The following TPM4 variants were observed in gnomAD, a reference collection of about 807,000 sequenced individuals.
The protein encoded by TPM4 is tropomyosin 4, also known as tropomyosin alpha-4 chain.
In TPM4, 17 loss-of-function variants were observed where a neutral mutation model predicts 35.8. That is an observed-to-expected ratio of 0.47 (90% CI 0.32 to 0.71). The LOEUF (loss-of-function observed/expected upper bound fraction) is 0.71. Among genes scored for constraint, TPM4 ranks in the 30% least tolerant of loss-of-function variants. The pLI is 0.03. For missense variants in TPM4, 240 were observed against 320.9 expected (o/e 0.75, Z 1.93); for synonymous variants, 120 against 122.9 (o/e 0.98, Z 0.15).
intron 2 of TPM4, among the ~76,000 whole-genome samples, chr19:16,083,548 C>T (rs760698716): frequency 1.3e-5 from 2 of 152,106 alleles, no homozygotes; most frequent in East Asian, 1.9e-4. Flanking sequence ...TTCTCTGGCA[C>T]GCCTTGGCAC....
At chr19:16,075,407 C>T (rs1331407008), upstream of TPM4, 1 of 152,094 alleles carries the variant, frequency 6.6e-6, no homozygotes, top group African/African-American at 2.4e-5. Context: ...TTAACCCGAG[C>T]CTTCAAAGAA....
intron 7 of TPM4, among the ~76,000 whole-genome samples, chr19:16,094,992 G>A (rs2090676885): frequency 6.6e-6 from 1 of 152,160 alleles, no homozygotes; most frequent in South Asian, 2.1e-4. Flanking sequence ...GGACCAGTGG[G>A]GGGAAGCTCT....
rs1345552239 is a variant in TPM4 at position 16,067,745 on chromosome 19, T to G, written c.114+7T>G. Reference sequence around the variant, plus strand: ...TGAGGACAAGTGCAAGCAGGTGAGGTGCCCTCCGCTGGGCCGCTCCGGGCT... The same window carrying G: ...TGAGGACAAGTGCAAGCAGGTGAGGGGCCCTCCGCTGGGCCGCTCCGGGCT... On this transcript the variant is annotated splice_region_variant and intron_variant, in intron 2 of 2. Coordinates refer to the TPM4 transcript ENST00000589897. This position sits in a 1 kb window ranked among gnomAD's most constrained non-coding sequence, Gnocchi z 4.1. The G allele has an allele frequency of 6.2e-7, 1 of 1,610,238 alleles. No individual in the cohort carries two copies. Among genetic ancestry groups the G allele is most frequent in the Non-Finnish European group, 8.5e-7 (1 of 1,179,016 alleles).
chr19:16,080,935 C>T, intron 1 of TPM4: 1 of 398,240 alleles, frequency 2.5e-6, no homozygotes, highest in Non-Finnish European at 4.4e-6. Flanking sequence ...CTTGAAAAGC[C>T]AATAACACTA....
At chr19:16,074,398 G>A (rs2090384717), upstream of TPM4, 1 of 152,276 alleles carries the variant, frequency 6.6e-6, no homozygotes, top group Admixed American at 6.5e-5. Flanking sequence ...CTAGCTTGCA[G>A]ACAGCCACCT....
At position 16,076,574 on chromosome 19, in the gene TPM4, C is replaced by G; in HGVS notation, c.9C>G (p.Gly3=). 6.8e-7 allele frequency: 1 copy of G among 1,465,070 alleles called. No homozygotes were observed. The highest frequency in any genetic ancestry group is 9.0e-7 in the Non-Finnish European group (1 of 1,114,798). 90.8% of individuals were successfully genotyped at this position (1,465,070 alleles called of 1,614,324 possible). A position where few individuals can be genotyped will look rare whatever the true frequency, so the allele number is the denominator to read the frequency against. The change falls in exon 1 of 8, where the codon GGC becomes GGG. Residue 3 remains glycine, a synonymous_variant. Coordinates refer to ENST00000643579, the MANE Select transcript of TPM4 (RefSeq NM_003290.3). The stretch of plus-strand genomic sequence containing the variant: ...CTCTGCGCCTCCGCGCCATGGCCGG[C>G]CTCAACTCCCTGGAGGCGGTGAAAC... MA[G]LNSLEAVKRK...
chr19:16,076,399 G>A, upstream of TPM4: 1 of 1,378,956 alleles, frequency 7.3e-7, no homozygotes, highest in Non-Finnish European at 9.3e-7. Context: ...GTCCGGCCGG[G>A]TGACCTCATC....
chr19:16,090,044 TG>T (rs1376712906), intron 5 of TPM4, among the ~76,000 whole-genome samples: 1 of 152,042 alleles, frequency 6.6e-6, no homozygotes, highest in Non-Finnish European at 1.5e-5. Flanking sequence ...TTGGCCAGGC[TG>T]GTCTCGAACT....
At chr19:16,098,882 G>C (rs1172129633) in intron 7 of TPM4, among the ~76,000 whole-genome samples, 1 of 152,088 alleles carries the variant, frequency 6.6e-6, no homozygotes, top group Non-Finnish European at 1.5e-5. Context: ...CCATGCCAAC[G>C]TGAACAAGCT....
chr19:16,089,326 C>T (rs981308435), intron 5 of TPM4, among the ~76,000 whole-genome samples: 1 of 152,136 alleles, frequency 6.6e-6, no homozygotes, highest in African/African-American at 2.4e-5. Flanking sequence ...GTCTGAGCAC[C>T]ATCTTTGATC....
intron 3 of TPM4, among the ~76,000 whole-genome samples, chr19:16,087,817 G>T (rs973281326): frequency 1.3e-5 from 2 of 152,172 alleles, no homozygotes; most frequent in Non-Finnish European, 2.9e-5. Flanking sequence ...GGAGGTGGAG[G>T]TTGCAGTGAG....
chr19:16,068,674 A>G (rs1189806635), intron 2 of TPM4, among the ~76,000 whole-genome samples: 1 of 151,758 alleles, frequency 6.6e-6, no homozygotes, highest in Non-Finnish European at 1.5e-5. Context: ...TGTTTGAGCA[A>G]TTCTCTGTGC....
At chr19:16,073,938 TAAAAAAA>T (rs71178637), upstream of TPM4, among the ~76,000 whole-genome samples, 5 of 35,634 alleles carry the variant, frequency 1.4e-4, no homozygotes, top group African/African-American at 2.3e-4. Context: ...GAAGACCATG[TAAAAAAA>T]AAAAAAAAAA....
intron 4 of TPM4, chr19:16,088,497 A>G: frequency 9.4e-7 from 1 of 1,060,338 alleles, no homozygotes; most frequent in Non-Finnish European, 1.1e-6. Context: ...TGGCCGTGAC[A>G]CATTCCTGGC....
intron 5 of TPM4, chr19:16,093,056 T>A: frequency 5.9e-6 from 1 of 169,202 alleles, no homozygotes; most frequent in Non-Finnish European, 1.3e-5. Context: ...GGTCTCACTA[T>A]GTGACCCAGG....
At position 16,086,447 on chromosome 19, in the gene TPM4, G is replaced by C; in HGVS notation, c.291G>C (p.Arg97=). 1 of 1,613,494 alleles carries C rather than the reference G, an allele frequency of 6.2e-7. No homozygotes were observed. The highest frequency in any genetic ancestry group is 1.8e-4 in the Middle Eastern group (1 of 5,604). The change falls in exon 3 of 8, where the codon CGG becomes CGC. Residue 97 remains arginine (R), a synonymous_variant. Transcript: ENST00000643579. ...GAGGAATGAAGGTGATAGAAAACCG[G>C]GCCATGAAGGATGAGGAGAAGATGG... The part of the protein sequence containing the change: ...SERGMKVIEN[R]AMKDEEKMEI...
chr19:16,098,816 TAATAA>T (rs955965018), intron 7 of TPM4, among the ~76,000 whole-genome samples: 26 of 151,936 alleles, frequency 1.7e-4, no homozygotes, highest in African/African-American at 6.3e-4. Context: ...AAAAATTTTT[TAATAA>T]AATAATAAAT....
chr19:16,082,155 G>T, intron 2 of TPM4, 109 bp downstream of exon 2: 4 of 1,393,178 alleles, frequency 2.9e-6, no homozygotes, highest in Non-Finnish European at 9.6e-7. Context: ...ACAAGGACAT[G>T]CATGTGTCCA....
intron 7 of TPM4, among the ~76,000 whole-genome samples, chr19:16,095,020 C>T (rs2090677231): frequency 6.6e-6 from 1 of 152,230 alleles, no homozygotes; most frequent in South Asian, 2.1e-4. Context: ...CTGGTTACCA[C>T]TGTTTTGAAG....
Sources: gnomAD v4.1 joint callset for allele counts (sites outside exome capture counted in the v4.1 genomes callset) on GRCh38, gnomAD v4.1.1 for gene constraint, Gnocchi (gnomAD v3.1) non-coding constraint, MANE v1.5 for transcripts, NCBI Gene and HGNC (gene_info 2026-07-23, HGNC 2026-07-21) for gene names.